OPCML: variants seen among roughly 807,000 people sequenced by gnomAD.
OPCML encodes opioid-binding protein/cell adhesion molecule.
A neutral mutation model predicts 37.8 loss-of-function variants in OPCML; 13 were observed. That is an observed-to-expected ratio of 0.34 (90% CI 0.22 to 0.55). The LOEUF is 0.55. Ranked by LOEUF, OPCML falls within the 20% of genes least tolerant of loss-of-function variation. OPCML has a pLI of 0.91. For missense variants in OPCML, 341 were observed against 435.6 expected (o/e 0.78, Z 1.93); for synonymous variants, 176 against 168.8 (o/e 1.04, Z -0.33).
intron 1 of OPCML, among the ~76,000 whole-genome samples, chr11:133,011,957 ATAAATATAGC>A (rs2136877075): frequency 1.3e-5 from 2 of 152,336 alleles, no homozygotes; most frequent in South Asian, 4.1e-4. Context: ...TTGTAAACAA[ATAAATATAGC>A]TATGTTCTGT....
In OPCML at chr11:132,488,096, T is replaced by C. The variant is rs552184532; in HGVS notation, c.505+40965A>G. On this transcript the variant is annotated intron_variant, in intron 4 of 7. Transcript: ENST00000524381. ...GCCACCCTGGGCCTCCCCAACCGCA[T>C]GCCTATGCAGCTGCTTATGCTGCTC... Among the ~76,000 whole-genome samples, 8 of 152,362 alleles carry C rather than the reference T, an allele frequency of 5.3e-5. No homozygotes were observed. In the South Asian group the frequency reaches 1.7e-3, roughly 32 times the overall value.
chr11:132,535,835 G>A (rs1444417938), intron 3 of OPCML, among the ~76,000 whole-genome samples: 2 of 152,266 alleles, frequency 1.3e-5, no homozygotes, highest in East Asian at 3.9e-4. Flanking sequence ...CTTATGGTTT[G>A]GGTGAAGGTA....
intron 1 of OPCML, among the ~76,000 whole-genome samples, chr11:133,180,595 A>G (rs1937777079): frequency 6.6e-6 from 1 of 152,184 alleles, no homozygotes; most frequent in Non-Finnish European, 1.5e-5. Flanking sequence ...AATGAGAGGA[A>G]GAGTGTCTCC....
chr11:132,599,323 GA>G (rs1937664115), intron 3 of OPCML, among the ~76,000 whole-genome samples: 1 of 145,744 alleles, frequency 6.9e-6, no homozygotes, highest in Admixed American at 6.7e-5. Flanking sequence ...GAAGGAGGAG[GA>G]GAAGAAGGAG....
rs113369066 is a variant in OPCML, at chr11:133,180,601, T to C, written c.62-237591A>G. ...AAGAAGGGAAATGAGAGGAAGAGTG[T>C]CTCCGGAGAAAGATGGAGTTCAGGC... On this transcript the variant is annotated intron_variant, in intron 1 of 7. Transcript: ENST00000524381. 2.8e-3 allele frequency among the ~76,000 whole-genome samples: 419 copies of C among 152,100 alleles called. 1 individual carries two copies. The highest frequency in any genetic ancestry group is 9.7e-3 in the African/African-American group (404 of 41,470).
intron 2 of OPCML, among the ~76,000 whole-genome samples, chr11:132,705,630 T>C (rs921690013): frequency 7.9e-5 from 12 of 151,940 alleles, no homozygotes; most frequent in African/African-American, 2.9e-4. Flanking sequence ...TGTACGGCAA[T>C]TCCCCCCGCC....
intron 1 of OPCML, among the ~76,000 whole-genome samples, chr11:133,056,562 A>C (rs892444778): frequency 1.3e-5 from 2 of 152,212 alleles, no homozygotes; most frequent in Non-Finnish European, 2.9e-5. Flanking sequence ...CTGGGGAAGA[A>C]AGTCTATTTT....
At chr11:133,203,408 G>T (rs926759164) in intron 1 of OPCML, among the ~76,000 whole-genome samples, 1 of 152,192 alleles carries the variant, frequency 6.6e-6, no homozygotes, top group African/African-American at 2.4e-5. Context: ...TTGCCTCACA[G>T]TATGGTATGA....
chr11:132,424,350 A>T (rs529235228), intron 7 of OPCML, among the ~76,000 whole-genome samples: 15 of 152,220 alleles, frequency 9.9e-5, no homozygotes, highest in Admixed American at 5.2e-4. Context: ...CGAACTCCTG[A>T]CCTCGTGATC....
At chr11:133,345,414 A>G (rs956695240) in intron 1 of OPCML, among the ~76,000 whole-genome samples, 5 of 152,212 alleles carry the variant, frequency 3.3e-5, no homozygotes, top group Admixed American at 1.3e-4. Context: ...CAATGTGTAT[A>G]TTTCCCAAAC....
chr11:133,384,889 G>T (rs1353548956), intron 1 of OPCML, among the ~76,000 whole-genome samples: 1 of 152,242 alleles, frequency 6.6e-6, no homozygotes, highest in Non-Finnish European at 1.5e-5. Flanking sequence ...AAGGCCAGAG[G>T]TTCAGGCTTT....
At chr11:132,646,696 G>A (rs1402046954) in intron 3 of OPCML, among the ~76,000 whole-genome samples, 1 of 152,098 alleles carries the variant, frequency 6.6e-6, no homozygotes, top group Non-Finnish European at 1.5e-5. Context: ...CTGAAGCCAA[G>A]GTTTTATACA....
chr11:132,864,190 G>C (rs112756993), intron 2 of OPCML, among the ~76,000 whole-genome samples: 3 of 151,936 alleles, frequency 2.0e-5, no homozygotes, highest in African/African-American at 4.8e-5. Flanking sequence ...CACCCTCCTC[G>C]GCCTCTCATA....
rs1021151721 is a variant in OPCML at position 133,208,836 on chromosome 11, C to T, written c.62-265826G>A. ...AAGACTTCATTCCCTATAAATCACGCTATTCCATGACTACCTATTCTAACT... is the reference window on the plus strand; with the variant it reads ...AAGACTTCATTCCCTATAAATCACGTTATTCCATGACTACCTATTCTAACT... On this transcript the variant is annotated intron_variant, in intron 1 of 7. Transcript: ENST00000524381. This position sits in a 1 kb window ranked among gnomAD's most constrained non-coding sequence, Gnocchi z 8.9. Among the ~76,000 whole-genome samples, 8 of 152,184 alleles carry T rather than the reference C, an allele frequency of 5.3e-5. No homozygotes were observed. Among genetic ancestry groups the T allele is most frequent in the African/African-American group, 1.9e-4 (8 of 41,434 alleles).
intron 1 of OPCML, among the ~76,000 whole-genome samples, chr11:133,529,815 A>C (rs144778320): frequency 2.6e-5 from 4 of 152,350 alleles, no homozygotes; most frequent in Non-Finnish European, 4.4e-5. Context: ...TATAACAGGA[A>C]GTAAAAGAAA....
chr11:132,622,164 C>T (rs889007189), intron 3 of OPCML, among the ~76,000 whole-genome samples: 1 of 151,642 alleles, frequency 6.6e-6, no homozygotes, highest in Admixed American at 6.6e-5. Context: ...AAAGTTGACT[C>T]ACAAAGAAAA....
chr11:133,025,355 T>C (rs1947531774), intron 1 of OPCML: 1 of 985,436 alleles, frequency 1.0e-6, no homozygotes, highest in Non-Finnish European at 1.2e-6. Flanking sequence ...TTTTCGATTA[T>C]ATAACTTGTT....
intron 4 of OPCML, among the ~76,000 whole-genome samples, chr11:132,462,658 T>G (rs1231800954): frequency 6.6e-6 from 1 of 152,222 alleles, no homozygotes; most frequent in African/African-American, 2.4e-5. Context: ...TCAATTACAT[T>G]GCATAACCTC....
intron 2 of OPCML, among the ~76,000 whole-genome samples, chr11:132,868,085 A>G (rs112014115): frequency 6.6e-6 from 1 of 152,256 alleles, no homozygotes; most frequent in Non-Finnish European, 1.5e-5. Flanking sequence ...GCTAGCACTA[A>G]TGTATTAAGC....
Sources: allele counts gnomAD v4.1 joint callset (sites outside exome capture counted in the v4.1 genomes callset), GRCh38; gene constraint gnomAD v4.1.1; non-coding constraint Gnocchi (gnomAD v3.1); transcripts MANE v1.5; gene names NCBI Gene and HGNC (gene_info 2026-07-23, HGNC 2026-07-21).